SLC2A9: variants seen among roughly 807,000 people sequenced by gnomAD.
SLC2A9 encodes the protein solute carrier family 2, facilitated glucose transporter member 9.
In SLC2A9, 39 loss-of-function variants were observed where a neutral mutation model predicts 50.6. The observed-to-expected ratio is 0.77, with a 90% CI of 0.60 to 1.01. The LOEUF (loss-of-function observed/expected upper bound fraction) is 1.01, where lower values mean the gene tolerates loss of function less well. Among genes scored for constraint, SLC2A9 ranks in the 50% least tolerant of loss-of-function variants. The pLI is 0.00. For synonymous variants in SLC2A9, 324 were observed against 276.9 expected (o/e 1.17, Z -1.69); for missense variants, 686 against 677.6 (o/e 1.01, Z -0.14).
chr4:10,013,387 G>A (rs1478543066), intron 2 of SLC2A9, among the ~76,000 whole-genome samples: 2 of 152,174 alleles, frequency 1.3e-5, no homozygotes, highest in Admixed American at 6.5e-5. Flanking sequence ...TCAGATCCTG[G>A]GGATTCTTGG....
At chr4:9,796,593 G>C (rs1462432645), downstream of SLC2A9, among the ~76,000 whole-genome samples, 2 of 152,202 alleles carry the variant, frequency 1.3e-5, no homozygotes, top group Non-Finnish European at 2.9e-5. Context: ...GTCAGGCTTT[G>C]TTGTGATGAT....
downstream of SLC2A9, among the ~76,000 whole-genome samples, chr4:9,777,641 C>T (rs1717747054): frequency 6.6e-6 from 1 of 152,132 alleles, no homozygotes; most frequent in African/African-American, 2.4e-5. Context: ...CCCCTTTTTG[C>T]TCATTACCAA....
intron 10 of SLC2A9, among the ~76,000 whole-genome samples, chr4:9,840,232 G>T (rs867191926): frequency 6.6e-6 from 1 of 152,202 alleles, no homozygotes; most frequent in Admixed American, 6.5e-5. Context: ...TACTTGAAAA[G>T]AACTTAGCTA....
At chr4:10,016,049 C>G (rs1441931657) in intron 2 of SLC2A9, among the ~76,000 whole-genome samples, 1 of 152,188 alleles carries the variant, frequency 6.6e-6, no homozygotes, top group Non-Finnish European at 1.5e-5. Context: ...GGTGCTTGCT[C>G]TGGGCTCCTC....
intron 4 of SLC2A9, 37 bp from the exon 5 acceptor site, chr4:9,980,774 T>A (rs1478087917): frequency 6.2e-7 from 1 of 1,613,940 alleles, no homozygotes; most frequent in Non-Finnish European, 8.5e-7. Context: ...TAGAGAGGTG[T>A]CTTCCCGGGG....
At chr4:9,912,933 G>A (rs994684877) in intron 7 of SLC2A9, among the ~76,000 whole-genome samples, 3 of 152,234 alleles carry the variant, frequency 2.0e-5, no homozygotes, top group Non-Finnish European at 4.4e-5. Context: ...GAGAGAAGAC[G>A]TAAGGATGGA....
intron 8 of SLC2A9, among the ~76,000 whole-genome samples, chr4:9,904,832 C>T (rs1384272430): frequency 6.6e-6 from 1 of 152,140 alleles, no homozygotes; most frequent in Non-Finnish European, 1.5e-5. Flanking sequence ...CATGCCTTTC[C>T]AGGAATTGGG....
rs1282721735 is a variant in SLC2A9, at chr4:9,955,259, G to A, written c.682-13214C>T. 2.5e-4 allele frequency among the ~76,000 whole-genome samples: 11 copies of A among 43,646 alleles called. 5 individuals carry two copies. The highest frequency in any genetic ancestry group is 2.4e-3 in the African/African-American group (11 of 4,518). The allele number at this position is 43,646 out of a possible 152,430, so 28.6% of individuals were successfully genotyped here. A position where few individuals can be genotyped will look rare whatever the true frequency, so the allele number is the denominator to read the frequency against. ...TGTAATCCCAGCACTTTGGGAGGCC[G>A]AGGCGGGTGGATCACGAGGTCAGGA... On this transcript the variant is annotated intron_variant, in intron 5 of 11. Transcript: ENST00000264784.
chr4:10,022,031 G>C (rs527511466), upstream of SLC2A9, among the ~76,000 whole-genome samples: 1 of 152,156 alleles, frequency 6.6e-6, no homozygotes, highest in South Asian at 2.1e-4. Flanking sequence ...TAGAGACTGT[G>C]TTTCACCATG....
chr4:9,789,569 T>C (rs568840729), intron 3 of SLC2A9, among the ~76,000 whole-genome samples: 8 of 152,288 alleles, frequency 5.3e-5, no homozygotes, highest in South Asian at 2.1e-4. Flanking sequence ...GATGTCAAGC[T>C]TGATAGGAGG....
intron 3 of SLC2A9, among the ~76,000 whole-genome samples, chr4:9,785,140 G>A (rs560030821): frequency 1.3e-5 from 2 of 152,154 alleles, no homozygotes; most frequent in African/African-American, 2.4e-5. Context: ...AAAGCACCCA[G>A]CTCTAGGATT....
At chr4:9,889,214 C>CCA (rs1736871667) in intron 9 of SLC2A9, among the ~76,000 whole-genome samples, 2 of 20,966 alleles carry the variant, frequency 9.5e-5, no homozygotes, top group African/African-American at 4.9e-4. Context: ...CCTCCTGAGT[C>CCA]CAGAGCAAGG....
intron 10 of SLC2A9, among the ~76,000 whole-genome samples, chr4:9,860,754 T>C (rs1168184104): frequency 6.6e-6 from 1 of 152,216 alleles, no homozygotes; most frequent in African/African-American, 2.4e-5. Flanking sequence ...TGAGTATCGA[T>C]TGTCTCCCAG....
chr4:10,005,832 A>G (rs1760690911), intron 2 of SLC2A9, among the ~76,000 whole-genome samples: 1 of 152,078 alleles, frequency 6.6e-6, no homozygotes, highest in Non-Finnish European at 1.5e-5. Flanking sequence ...AGGTAGTTGG[A>G]ATTGGCTTTT....
chr4:9,874,332 A>G (rs545027030), intron 10 of SLC2A9, among the ~76,000 whole-genome samples: 32 of 152,370 alleles, frequency 2.1e-4, no homozygotes, highest in African/African-American at 7.5e-4. Context: ...CCCTGTGGCC[A>G]GGCCCAGCCT....
intron 7 of SLC2A9, among the ~76,000 whole-genome samples, chr4:9,908,657 C>G (rs897313005): frequency 1.3e-5 from 2 of 151,954 alleles, no homozygotes; most frequent in Admixed American, 1.3e-4. Flanking sequence ...CACCCATTAA[C>G]TCGTCATTTA....
intron 9 of SLC2A9, among the ~76,000 whole-genome samples, chr4:9,890,006 G>A (rs983090727): frequency 6.6e-6 from 1 of 152,168 alleles, no homozygotes; most frequent in African/African-American, 2.4e-5. Flanking sequence ...CCTCCTTCAT[G>A]GACATCCACT....
chr4:9,812,718 G>T (rs1409719812), intron 3 of SLC2A9, among the ~76,000 whole-genome samples: 1 of 152,110 alleles, frequency 6.6e-6, no homozygotes, highest in African/African-American at 2.4e-5. Flanking sequence ...GGAGGTTTGG[G>T]CTTTCGACAC....
intron 11 of SLC2A9, among the ~76,000 whole-genome samples, chr4:9,831,562 A>G (rs1726148413): frequency 6.6e-6 from 1 of 152,236 alleles, no homozygotes; most frequent in Non-Finnish European, 1.5e-5. Context: ...TGTAAAAGGT[A>G]TAACTGCCCT....
Sources: allele counts gnomAD v4.1 joint callset (sites outside exome capture counted in the v4.1 genomes callset), GRCh38; gene constraint gnomAD v4.1.1; transcripts MANE v1.5; gene names NCBI Gene and HGNC (gene_info 2026-07-23, HGNC 2026-07-21).